Variants in AGTPBP1 observed in about 807,000 individuals in gnomAD.
AGTPBP1 encodes the protein cytosolic carboxypeptidase 1.
AGTPBP1 carries 70 observed loss-of-function variants against 143.9 expected under a neutral mutation model. That is an observed-to-expected ratio of 0.49 (90% confidence interval 0.40 to 0.59). The LOEUF (loss-of-function observed/expected upper bound fraction) is 0.59. Among genes scored for constraint, AGTPBP1 ranks in the 20% least tolerant of loss-of-function variants. The pLI is 0.00. For synonymous variants in AGTPBP1, 463 were observed against 500.2 expected, an observed-to-expected ratio of 0.93 and a Z score of 0.99; for missense variants, 1,229 against 1,464.5, an observed-to-expected ratio of 0.84 and a Z score of 2.62.
intron 19 of AGTPBP1, 84 bp from the exon 20 acceptor site, chr9:85,589,765 T>C (rs1389094772): frequency 1.6e-6 from 2 of 1,274,320 alleles, no homozygotes; most frequent in African/African-American, 3.0e-5. Context: ...GATCTCCACA[T>C]AACTAGAAGT....
chr9:85,802,096 A>G, the AGTPBP1 span, among the ~76,000 whole-genome samples: 1 of 152,096 alleles, frequency 6.6e-6, no homozygotes, highest in Admixed American at 6.5e-5. Context: ...ACACTGTAAT[A>G]TTACTGGTAA....
At chr9:85,625,872 G>A (rs1346277454) in intron 14 of AGTPBP1, among the ~76,000 whole-genome samples, 8 of 146,520 alleles carry the variant, frequency 5.5e-5, no homozygotes, top group Non-Finnish European at 1.0e-4. Flanking sequence ...GTGACACAGC[G>A]AGACCCTGTC....
Position 85,657,365 on chromosome 9 carries a change from A to T in AGTPBP1, c.909+70T>A, listed in dbSNP as rs1190017916. On this transcript the variant is annotated intron_variant, in intron 10 of 25. Transcript: ENST00000357081. The stretch of plus-strand genomic sequence containing the variant: ...TACGTTTCTGAGTATTTGCACACTA[A>T]TTCAGTTTTCTTAACAACCAAATCA... 4 of 1,333,124 alleles carry T rather than the reference A, an allele frequency of 3.0e-6. No homozygotes were observed. The African/African-American group carries it at 5.9e-5, about 20-fold the overall frequency. 82.6% of individuals were successfully genotyped at this position (1,333,124 alleles called of 1,614,324 possible).
intron 1 of AGTPBP1, among the ~76,000 whole-genome samples, chr9:85,722,754 T>A (rs982728259): frequency 1.3e-5 from 2 of 152,206 alleles, no homozygotes; most frequent in African/African-American, 4.8e-5. Context: ...GAAGAGGTGC[T>A]CTGGTTTTTT....
the AGTPBP1 span, among the ~76,000 whole-genome samples, chr9:85,790,649 T>C: frequency 6.6e-6 from 1 of 152,198 alleles, no homozygotes; most frequent in Non-Finnish European, 1.5e-5. Flanking sequence ...CTTCTAGGAA[T>C]TTCTGCAATG....
chr9:85,562,807 G>C (rs1826827990), intron 25 of AGTPBP1, among the ~76,000 whole-genome samples: 1 of 152,088 alleles, frequency 6.6e-6, no homozygotes, highest in Non-Finnish European at 1.5e-5. Context: ...CTGAAATTGG[G>C]CGAATATTTA....
chr9:85,776,146 A>G, the AGTPBP1 span, among the ~76,000 whole-genome samples: 1 of 152,268 alleles, frequency 6.6e-6, no homozygotes, highest in African/African-American at 2.4e-5. Flanking sequence ...GCTATTACAT[A>G]AAGTTAACAG....
At chr9:85,781,358 C>T in the AGTPBP1 span, 4 of 1,557,178 alleles carry the variant, frequency 2.6e-6, no homozygotes, top group Admixed American at 2.2e-5. Flanking sequence ...CAACTAGCAT[C>T]ATCAGAGTGT....
chr9:85,717,831 C>T (rs953386611), intron 1 of AGTPBP1, among the ~76,000 whole-genome samples: 12 of 151,856 alleles, frequency 7.9e-5, no homozygotes, highest in African/African-American at 2.9e-4. Flanking sequence ...CTCCCACAGC[C>T]CCCCACCCCC....
intron 6 of AGTPBP1, 42 bp downstream of exon 6, chr9:85,677,394 A>C: frequency 6.4e-7 from 1 of 1,558,028 alleles, no homozygotes. Context: ...CTGTTACAAA[A>C]ATAGTTCTAG....
chr9:85,733,725 AAGAG>A lies in AGTPBP1; in HGVS notation c.-34+8046_-34+8049del, dbSNP rs1839037705. Among the ~76,000 whole-genome samples the A allele has an allele frequency of 2.6e-5, 4 of 152,216 alleles. No individual in the cohort carries two copies. In the South Asian group the frequency reaches 8.3e-4, roughly 31 times the overall value. On this transcript the variant is annotated intron_variant, in intron 1 of 25. Coordinates refer to ENST00000357081, the MANE Select transcript of AGTPBP1 (RefSeq NM_001330701.2). ...CTGACAAACCTTTAGCAAGATTTAA[AAGAG>A]AGAGGACTCAAATTACTAAAATCAG...
At chr9:85,646,927 TG>T (rs1487350437) in intron 11 of AGTPBP1, among the ~76,000 whole-genome samples, 3 of 151,842 alleles carry the variant, frequency 2.0e-5, no homozygotes, top group Non-Finnish European at 4.4e-5. Context: ...CAACGATAGC[TG>T]GTGTGCTTAA....
intron 25 of AGTPBP1, among the ~76,000 whole-genome samples, chr9:85,566,410 G>C (rs574246160): frequency 3.0e-4 from 45 of 150,668 alleles, no homozygotes; most frequent in Admixed American, 1.1e-3. Flanking sequence ...TGTGCCTGTA[G>C]TCCCAGCTAC....
At chr9:85,714,649 T>C (rs1030808593) in intron 1 of AGTPBP1, among the ~76,000 whole-genome samples, 1 of 152,172 alleles carries the variant, frequency 6.6e-6, no homozygotes, top group African/African-American at 2.4e-5. Flanking sequence ...TTTTGCATCA[T>C]TTTTGCTATT....
In AGTPBP1 at chr9:85,644,170, G is replaced by C. The variant is rs191271987; in HGVS notation, c.1186-1227C>G. 3.3e-3 allele frequency among the ~76,000 whole-genome samples: 507 copies of C among 151,734 alleles called. 2 individuals carry two copies. Among genetic ancestry groups the C allele is most frequent in the Non-Finnish European group, 6.3e-3 (430 of 67,782 alleles). The stretch of plus-strand genomic sequence containing the variant: ...ATTTTCCTCATTGATATGCATAATA[G>C]AGATTGATTTTATTTAAATGTTATC... On this transcript the variant is annotated intron_variant, in intron 12 of 25. Coordinates refer to ENST00000357081, the MANE Select transcript of AGTPBP1 (RefSeq NM_001330701.2).
At chr9:85,593,465 A>G (rs1346648540) in intron 18 of AGTPBP1, among the ~76,000 whole-genome samples, 2 of 152,232 alleles carry the variant, frequency 1.3e-5, no homozygotes, top group African/African-American at 4.8e-5. Context: ...CTGATTAAAT[A>G]AAACTATAAA....
At chr9:85,797,374 G>T in the AGTPBP1 span, among the ~76,000 whole-genome samples, 1 of 152,088 alleles carries the variant, frequency 6.6e-6, no homozygotes, top group Admixed American at 6.6e-5. Flanking sequence ...TTCCCAAAAT[G>T]CTGGGATTAC....
chr9:85,718,207 G>GGTTCTA (rs1018968154), intron 1 of AGTPBP1, among the ~76,000 whole-genome samples: 3 of 151,792 alleles, frequency 2.0e-5, no homozygotes, highest in South Asian at 2.1e-4. Context: ...GGGATCACTG[G>GGTTCTA]GTTCTAGTTC....
At chr9:85,636,532 C>T (rs2133756774) in intron 13 of AGTPBP1, among the ~76,000 whole-genome samples, 1 of 152,200 alleles carries the variant, frequency 6.6e-6, no homozygotes, top group South Asian at 2.1e-4. Flanking sequence ...GCTGGGATTA[C>T]AGGCTTGAGC....
Sources: gnomAD v4.1 joint callset for allele counts (sites outside exome capture counted in the v4.1 genomes callset) on GRCh38, gnomAD v4.1.1 for gene constraint, MANE v1.5 for transcripts, NCBI Gene and HGNC (gene_info 2026-07-23, HGNC 2026-07-21) for gene names.